The following ALKBH8 variants were observed in gnomAD, a reference collection of about 807,000 sequenced individuals.
ALKBH8 encodes the protein alkB homolog 8, tRNA methyltransferase, also known as tRNA (carboxymethyluridine(34)-5-O)-methyltransferase ALKBH8.
Under a neutral mutation model 59.8 loss-of-function variants are expected in ALKBH8, and 36 were observed. The ratio of observed to expected loss-of-function variants is 0.60; its 90% CI spans 0.46 to 0.79. The LOEUF is 0.79. Ranked by LOEUF, ALKBH8 falls within the 30% of genes least tolerant of loss-of-function variation. ALKBH8 has a pLI of 0.00. For synonymous variants in ALKBH8, 276 were observed against 273.6 expected (o/e 1.01, Z -0.09); for missense variants, 768 against 801.0 (o/e 0.96, Z 0.50).
rs867748109 is a variant in ALKBH8, at chr11:107,504,600, C to T, written c.*58G>A. On this transcript the variant is annotated 3_prime_UTR_variant, in exon 12 of 12. Coordinates refer to ENST00000428149, the MANE Select transcript of ALKBH8 (RefSeq NM_138775.3). Reference sequence around the variant, plus strand: ...TAATTAAAAGGGTAATTAATTTATTCTCTCTTTTTTTTTAAGTGAGCATTT... The same window carrying T: ...TAATTAAAAGGGTAATTAATTTATTTTCTCTTTTTTTTTAAGTGAGCATTT... The T allele has an allele frequency of 6.6e-7, 1 of 1,519,172 alleles. No homozygotes were observed. Among genetic ancestry groups the T allele is most frequent in the Non-Finnish European group, 8.9e-7 (1 of 1,125,300 alleles). 94.1% of individuals were successfully genotyped at this position (1,519,172 alleles called of 1,614,324 possible). A position where few individuals can be genotyped will look rare whatever the true frequency, so the allele number is the denominator to read the frequency against.
intron 3 of ALKBH8, among the ~76,000 whole-genome samples, chr11:107,554,237 T>G (rs1307279777): frequency 6.6e-6 from 1 of 152,196 alleles, no homozygotes. Context: ...CATGATGAAG[T>G]CACTTTTAAA....
Position 107,505,226 on chromosome 11 carries a change from A to G in ALKBH8, c.1438-11T>C, listed in dbSNP as rs1565308823. 1.3e-6 allele frequency: 2 copies of G among 1,509,260 alleles called. No homozygotes were observed. 93.5% of individuals were successfully genotyped at this position (1,509,260 alleles called of 1,614,324 possible). On this transcript the variant is annotated splice_polypyrimidine_tract_variant and intron_variant, in intron 11 of 11. Coordinates refer to ENST00000428149, the MANE Select transcript of ALKBH8 (RefSeq NM_138775.3). ...TGCCACTCTACGCTCCTAATGAAAA[A>G]AAACAAAACACATGATCAACCTGGA... is the stretch of plus-strand genomic sequence containing the variant.
At chr11:107,525,701 T>C (rs1159372164) in intron 8 of ALKBH8, 109 bp from the exon 9 acceptor site, 4 of 733,826 alleles carry the variant, frequency 5.5e-6, no homozygotes, top group Non-Finnish European at 7.8e-6. Flanking sequence ...TTATTACAAA[T>C]ATCTATTGGA....
rs941537196 is a variant in ALKBH8 at position 107,533,700 on chromosome 11, C to A, written c.772-1294G>T. ...TTAAAATGTATACATAAAAGATGGA[C>A]CAATAAACAGATAAAGGGATGAGAA... On this transcript the variant is annotated intron_variant, in intron 7 of 11. Transcript: ENST00000428149. Among the ~76,000 whole-genome samples, 3 of 152,008 alleles carry A rather than the reference C, an allele frequency of 2.0e-5. No individual in the cohort carries two copies. The East Asian group carries it at 5.8e-4, about 29-fold the overall frequency.
At chr11:107,552,195 T>A (rs1265415876) in intron 5 of ALKBH8, among the ~76,000 whole-genome samples, 4 of 151,820 alleles carry the variant, frequency 2.6e-5, no homozygotes, top group African/African-American at 9.7e-5. Flanking sequence ...ATATACTATA[T>A]ATTGAAATTG....
Position 107,560,772 on chromosome 11 carries a change from G to A in ALKBH8, c.122C>T (p.Ala41Val). ...RHEGIETVSY[A>V]TQSLVVANGG... ...ATAGTAGTTTTAGGTCACCTGAGTG[G>A]CATAGGATACTGTCTCAATGCCTTC... The change falls in exon 2 of 12, where the codon GCC becomes GTC. Residue 41 changes from alanine (A) to valine (V), a missense_variant. Ala to Val is a moderately conservative substitution (Grantham distance 64, BLOSUM62 0). Coordinates refer to ENST00000428149, the MANE Select transcript of ALKBH8 (RefSeq NM_138775.3). The A allele has an allele frequency of 6.2e-7, 1 of 1,610,790 alleles. No individual in the cohort carries two copies. The highest frequency in any genetic ancestry group is 8.5e-7 in the Non-Finnish European group (1 of 1,178,488).
chr11:107,505,045 T>G lies in ALKBH8; in HGVS notation c.1608A>C (p.Ser536=). ...GKKEEMNSDT[S]VQRSLVEQMR... ...TTTGCTCCACAAGTGACCTCTGCAC[T>G]GAGGTATCACTGTTCATCTCCTCTT... The change falls in exon 12 of 12, where the codon TCA becomes TCC. Residue 536 remains serine, a synonymous_variant. Transcript: ENST00000428149. 6.4e-7 allele frequency: 1 copy of G among 1,551,740 alleles called. No individual in the cohort carries two copies. The highest frequency in any genetic ancestry group is 8.7e-7 in the Non-Finnish European group (1 of 1,146,978).
rs1864419258 is a variant in ALKBH8, at chr11:107,549,844, A to G, written c.701-21T>C. Reference sequence around the variant, plus strand: ...AATTCCTGAGATGGAAAACAGGACAACACGTCACTTCATTTTTTCCTTTAG... The same window carrying G: ...AATTCCTGAGATGGAAAACAGGACAGCACGTCACTTCATTTTTTCCTTTAG... On this transcript the variant is annotated intron_variant, in intron 6 of 11. Transcript: ENST00000428149. The G allele has an allele frequency of 4.0e-6, 6 of 1,499,928 alleles. No homozygotes were observed. The South Asian group carries it at 4.9e-5, about 12-fold the overall frequency. 92.9% of individuals were successfully genotyped at this position (1,499,928 alleles called of 1,614,324 possible).
intron 10 of ALKBH8, among the ~76,000 whole-genome samples, chr11:107,513,370 T>C (rs1476750747): frequency 1.3e-5 from 2 of 152,070 alleles, no homozygotes; most frequent in Non-Finnish European, 2.9e-5. Flanking sequence ...CCAGTCAGAA[T>C]GGCTATTTTT....
intron 7 of ALKBH8, among the ~76,000 whole-genome samples, chr11:107,548,750 GT>G (rs1444201876): frequency 6.6e-6 from 1 of 152,128 alleles, no homozygotes; most frequent in African/African-American, 2.4e-5. Flanking sequence ...AAAATGAATA[GT>G]TTTTGCCTCC....
At position 107,504,996 on chromosome 11, in the gene ALKBH8, A is replaced by AT. The variant is rs1862318808; in HGVS notation, c.1656_1657insA (p.Ser553IlefsTer9). ...TTAATGCGGGGGACAGAAGATGCCG[A>AT]GTCTCGACTGCCCATGTCACGCATT... is the stretch of plus-strand genomic sequence containing the variant. On this transcript the variant is annotated frameshift_variant, in exon 12 of 12. Transcript: ENST00000428149. LOFTEE classifies it low-confidence loss of function (END_TRUNC). 6.4e-7 allele frequency: 1 copy of AT among 1,551,724 alleles called. No individual in the cohort carries two copies.
intron 10 of ALKBH8, among the ~76,000 whole-genome samples, chr11:107,513,259 T>A (rs1243814164): frequency 1.3e-5 from 2 of 152,228 alleles, no homozygotes; most frequent in African/African-American, 4.8e-5. Flanking sequence ...CAGATACTTT[T>A]CAAAAGACAT....
At chr11:107,511,700 C>G (rs750025521) in intron 10 of ALKBH8, among the ~76,000 whole-genome samples, 1 of 151,874 alleles carries the variant, frequency 6.6e-6, no homozygotes, top group Non-Finnish European at 1.5e-5. Context: ...CCTCAGCCTC[C>G]TAAGTAGCTA....
chr11:107,557,133 G>T (rs1457966256), intron 2 of ALKBH8, 130 bp from the exon 3 acceptor site: 1 of 657,740 alleles, frequency 1.5e-6, no homozygotes, highest in Non-Finnish European at 2.3e-6. Context: ...TGTAGTGGTT[G>T]TTTGGTTTGC....
chr11:107,526,009 C>T (rs1052548518), intron 8 of ALKBH8, among the ~76,000 whole-genome samples: 3 of 151,984 alleles, frequency 2.0e-5, no homozygotes, highest in Non-Finnish European at 4.4e-5. Context: ...AAAATAACTA[C>T]ATGGTAATTA....
intron 7 of ALKBH8, among the ~76,000 whole-genome samples, chr11:107,536,339 T>C (rs1030763047): frequency 6.6e-6 from 1 of 152,218 alleles, no homozygotes; most frequent in Non-Finnish European, 1.5e-5. Flanking sequence ...AACCCCACCA[T>C]CATATCCTTT....
intron 11 of ALKBH8, among the ~76,000 whole-genome samples, chr11:107,508,420 G>A (rs1388927451): frequency 2.0e-5 from 3 of 152,088 alleles, no homozygotes; most frequent in Non-Finnish European, 2.9e-5. Flanking sequence ...TGATCCACTC[G>A]CTTTGTCCTT....
chr11:107,518,111 G>T (rs890944631), intron 10 of ALKBH8, among the ~76,000 whole-genome samples: 2 of 151,818 alleles, frequency 1.3e-5, no homozygotes, highest in Non-Finnish European at 2.9e-5. Flanking sequence ...ATAAAATTCA[G>T]AAACATTTTA....
At chr11:107,562,297 CAA>C (rs11411393) in intron 1 of ALKBH8, among the ~76,000 whole-genome samples, 7 of 127,278 alleles carry the variant, frequency 5.5e-5, no homozygotes, top group Non-Finnish European at 8.4e-5. Context: ...AATTCCATCT[CAA>C]AAAAAAAAAA....
Sources: gnomAD v4.1 joint callset for allele counts (sites outside exome capture counted in the v4.1 genomes callset) on GRCh38, gnomAD v4.1.1 for gene constraint, MANE v1.5 for transcripts, NCBI Gene and HGNC (gene_info 2026-07-23, HGNC 2026-07-21) for gene names.